HDAC4: variants seen among roughly 807,000 people sequenced by gnomAD.
HDAC4 encodes histone deacetylase 4.
A neutral mutation model predicts 135.1 loss-of-function variants in HDAC4; 16 were observed. The ratio of observed to expected loss-of-function variants is 0.12; its 90% CI spans 0.08 to 0.18. The LOEUF (loss-of-function observed/expected upper bound fraction) is 0.18, where lower values mean the gene tolerates loss of function less well. HDAC4 is among the 10% of genes least tolerant of loss of function. The pLI is 1.00. For missense variants in HDAC4, 1,143 were observed against 1,511.8 expected, an observed-to-expected ratio of 0.76 and a Z score of 4.05; for synonymous variants, 685 against 653.4, an observed-to-expected ratio of 1.05 and a Z score of -0.74.
intron 12 of HDAC4, among the ~76,000 whole-genome samples, chr2:239,116,068 G>A (rs895723917): frequency 6.6e-6 from 1 of 152,116 alleles, no homozygotes; most frequent in African/African-American, 2.4e-5. Flanking sequence ...ACGCTTCTCG[G>A]TCTCCCTCCC....
intron 5 of HDAC4, among the ~76,000 whole-genome samples, chr2:239,173,735 T>C (rs565175525): frequency 3.9e-5 from 6 of 152,362 alleles, no homozygotes; most frequent in Non-Finnish European, 8.8e-5. Context: ...TCATTATTTA[T>C]AGATGACAGG....
intron 2 of HDAC4, among the ~76,000 whole-genome samples, chr2:239,286,038 T>C (rs948595135): frequency 1.4e-4 from 22 of 152,204 alleles, no homozygotes; most frequent in Admixed American, 1.2e-3. Flanking sequence ...GACAGTCAAG[T>C]TCTTCAGTTA....
At chr2:239,206,663 G>GAAA (rs35571265) in intron 3 of HDAC4, among the ~76,000 whole-genome samples, 40 of 130,942 alleles carry the variant, frequency 3.1e-4, no homozygotes, top group East Asian at 1.3e-3. Flanking sequence ...CTCAAGGACT[G>GAAA]AAAAAAAAAA....
intron 2 of HDAC4, among the ~76,000 whole-genome samples, chr2:239,343,091 T>C (rs999146789): frequency 1.8e-4 from 27 of 152,202 alleles, no homozygotes; most frequent in African/African-American, 6.5e-4. Flanking sequence ...GTCTTACTGA[T>C]TAGGTGGCTG....
intron 2 of HDAC4, among the ~76,000 whole-genome samples, chr2:239,283,153 ACAGT>A (rs1335781381): frequency 6.6e-6 from 1 of 152,250 alleles, no homozygotes; most frequent in African/African-American, 2.4e-5. Flanking sequence ...AGGGAGCTTG[ACAGT>A]CAGTGGAAGA....
chr2:239,190,228 C>T (rs1388485950), intron 3 of HDAC4, 151 bp from the exon 4 acceptor site: 3 of 1,118,832 alleles, frequency 2.7e-6, no homozygotes, highest in Middle Eastern at 3.1e-4. Flanking sequence ...CCCTGTCCCC[C>T]TCTTGCCCAA....
chr2:239,156,830 G>T, intron 6 of HDAC4, 57 bp from the exon 7 acceptor site: 2 of 1,607,908 alleles, frequency 1.2e-6, no homozygotes, highest in South Asian at 1.1e-5. Flanking sequence ...CCCCAGGCAT[G>T]CTGCAGCCGA....
intron 2 of HDAC4, among the ~76,000 whole-genome samples, chr2:239,244,113 C>G (rs2048341720): frequency 6.6e-6 from 1 of 152,214 alleles, no homozygotes; most frequent in African/African-American, 2.4e-5. Flanking sequence ...GGGCTGACGT[C>G]AGACCAGAGA....
intron 1 of HDAC4, among the ~76,000 whole-genome samples, chr2:239,391,450 C>CCTTGGATGCATCCA (rs751309342): frequency 6.6e-6 from 1 of 152,192 alleles, no homozygotes; most frequent in Non-Finnish European, 1.5e-5. Flanking sequence ...CGGTCAGCAG[C>CCTTGGATGCATCCA]AGGCCCCGGG....
chr2:239,094,945 A>G (rs1559414902), intron 17 of HDAC4, 65 bp downstream of exon 17: 1 of 1,612,192 alleles, frequency 6.2e-7, no homozygotes, highest in Non-Finnish European at 8.5e-7. Flanking sequence ...CAAGGCTGCG[A>G]TTTCTGTGAC....
chr2:239,053,298 C>T (rs992831828), intron 26 of HDAC4, among the ~76,000 whole-genome samples, 162 bp from the exon 27 acceptor site: 3 of 152,210 alleles, frequency 2.0e-5, no homozygotes, highest in Non-Finnish European at 2.9e-5. Context: ...GCTCCTCATG[C>T]GTCTCTAAGG....
At chr2:239,325,663 T>C (rs2053448226) in intron 2 of HDAC4, among the ~76,000 whole-genome samples, 1 of 152,150 alleles carries the variant, frequency 6.6e-6, no homozygotes, top group Non-Finnish European at 1.5e-5. Context: ...CTTTGGTGGT[T>C]TCTAAAAACT....
intron 2 of HDAC4, among the ~76,000 whole-genome samples, chr2:239,290,288 A>G (rs1342041271): frequency 6.6e-6 from 1 of 152,248 alleles, no homozygotes; most frequent in Non-Finnish European, 1.5e-5. Context: ...ATAAAGAAAC[A>G]GAGCACCCTA....
intron 3 of HDAC4, among the ~76,000 whole-genome samples, chr2:239,226,437 G>C (rs936437223): frequency 6.6e-6 from 1 of 152,114 alleles, no homozygotes; most frequent in Non-Finnish European, 1.5e-5. Context: ...TCCCTCTAAA[G>C]TAGAGAAACA....
In HDAC4 at chr2:239,333,307, G is replaced by T. The variant is rs1170029621; in HGVS notation, c.22+19371C>A. On this transcript the variant is annotated intron_variant, in intron 2 of 26. Coordinates refer to ENST00000543185, the MANE Select transcript of HDAC4 (RefSeq NM_001378414.1). ...GAAAAGAAAAAAGGGAAAAAAACGT[G>T]CAATAGAGACCATATGTGGTCCACA... Among the ~76,000 whole-genome samples the T allele has an allele frequency of 2.0e-5, 3 of 152,092 alleles. No individual in the cohort carries two copies. In the East Asian group the frequency reaches 5.8e-4, roughly 29 times the overall value.
intron 3 of HDAC4, among the ~76,000 whole-genome samples, chr2:239,229,321 G>A (rs550688632): frequency 1.3e-5 from 2 of 152,290 alleles, no homozygotes; most frequent in Non-Finnish European, 2.9e-5. Context: ...CCATGTGGGG[G>A]GCAGACTCCT....
Position 239,109,649 on chromosome 2 carries a change from A to G in HDAC4, c.1979-1466T>C, listed in dbSNP as rs142746718. Among the ~76,000 whole-genome samples the G allele has an allele frequency of 1.7e-3, 256 of 150,634 alleles. 1 individual carries two copies. The highest frequency in any genetic ancestry group is 5.4e-3 in the African/African-American group (221 of 41,138). On this transcript the variant is annotated intron_variant, in intron 14 of 26. Transcript: ENST00000543185. ...AGCATCAGGGTAGGTGCAGGCTTACAGGAGTCAATGAAACTAGGACTCACA... is the reference window on the plus strand; with the variant it reads ...AGCATCAGGGTAGGTGCAGGCTTACGGGAGTCAATGAAACTAGGACTCACA...
intron 2 of HDAC4, among the ~76,000 whole-genome samples, chr2:239,253,215 G>A (rs1024858108): frequency 3.9e-5 from 6 of 152,134 alleles, no homozygotes; most frequent in African/African-American, 1.2e-4. Flanking sequence ...AGAATCATAC[G>A]GCAAAGAAAA....
rs58493558 is a variant in HDAC4, at chr2:239,139,817, TG to T, written c.866-22del. The T allele has an allele frequency of 0.013, 21,460 of 1,603,356 alleles. 2,407 individuals are homozygous for T. In the African/African-American group the frequency reaches 0.25, roughly 19 times the overall value. ...GGAGTCTGCGGAGGCAGAAATACCC[TG>T]GTGAGTGTTACTCCATGCGGAGGGA... On this transcript the variant is annotated intron_variant, in intron 8 of 26. Transcript: ENST00000543185. The surrounding 1 kb of genome is among the most constrained non-coding windows in gnomAD (Gnocchi z 5.3).
Sources: allele counts gnomAD v4.1 joint callset (sites outside exome capture counted in the v4.1 genomes callset), GRCh38; gene constraint gnomAD v4.1.1; non-coding constraint Gnocchi (gnomAD v3.1); transcripts MANE v1.5; gene names NCBI Gene and HGNC (gene_info 2026-07-23, HGNC 2026-07-21).